NRL: variants seen among roughly 807,000 people sequenced by gnomAD.
The protein encoded by NRL is neural retina leucine zipper, also known as neural retina-specific leucine zipper protein.
Under a neutral mutation model 12.5 loss-of-function variants are expected in NRL, and 16 were observed. The ratio of observed to expected loss-of-function variants is 1.28; its 90% confidence interval spans 0.87 to 1.95. NRL has a LOEUF of 1.95. NRL is among the 30% of genes most tolerant of loss of function. The pLI is 0.00. For synonymous variants in NRL, 142 were observed against 150.9 expected (o/e 0.94, Z 0.43); for missense variants, 314 against 325.8 (o/e 0.96, Z 0.28).
chr14:24,091,372 G>A (rs2036627943), intron 1 of NRL, among the ~76,000 whole-genome samples: 2 of 152,134 alleles, frequency 1.3e-5, no homozygotes, highest in African/African-American at 4.8e-5. Flanking sequence ...GATGGTGTGT[G>A]TTTAATTTGA....
At chr14:24,111,195 G>T (rs567913575) in intron 1 of NRL, among the ~76,000 whole-genome samples, 1 of 152,250 alleles carries the variant, frequency 6.6e-6, no homozygotes, top group Non-Finnish European at 1.5e-5. Flanking sequence ...GCCCAGGCTG[G>T]CCTTGAACTC....
intron 1 of NRL, among the ~76,000 whole-genome samples, chr14:24,083,578 C>T (rs2036385086): frequency 6.6e-6 from 1 of 152,192 alleles, no homozygotes; most frequent in Non-Finnish European, 1.5e-5. Context: ...ATTGATTTTC[C>T]TTCTATTCAG....
intron 1 of NRL, among the ~76,000 whole-genome samples, chr14:24,088,840 C>G (rs868031472): frequency 7.0e-6 from 1 of 142,348 alleles, no homozygotes; most frequent in South Asian, 2.3e-4. Flanking sequence ...GAGTCTTGCT[C>G]TGTCCCCCAG....
chr14:24,081,510 C>G lies in NRL; in HGVS notation c.440G>C (p.Arg147Pro). Reference sequence around the variant, plus strand: ...GTCGCGCCCGCAGCCCCGCAGCTGCCGGTTTAGCTCCCGCACAGACATCGA... The same window carrying G: ...GTCGCGCCCGCAGCCCCGCAGCTGCGGGTTTAGCTCCCGCACAGACATCGA... ...LVSMSVRELN[R>P]QLRGCGRDEA... Residue 147 changes from arginine (R) to proline (P), a missense_variant, in exon 3 of 3, where the codon CGG becomes CCG. Transcript: ENST00000561028. This position sits in a 1 kb window ranked among gnomAD's most constrained non-coding sequence, Gnocchi z 4.4. 6.2e-7 allele frequency: 1 copy of G among 1,602,480 alleles called. No individual in the cohort carries two copies. Among genetic ancestry groups the G allele is most frequent in the Non-Finnish European group, 8.5e-7 (1 of 1,176,210 alleles).
chr14:24,099,255 G>C (rs1267221875), intron 1 of NRL: 1 of 1,581,336 alleles, frequency 6.3e-7, no homozygotes, highest in East Asian at 2.3e-5. Context: ...CTGGTGAGAA[G>C]CAGGGCAGCT....
chr14:24,094,668 T>G lies in NRL; in HGVS notation c.-27-11793A>C. 6.6e-7 allele frequency: 1 copy of G among 1,514,358 alleles called. No homozygotes were observed. The highest frequency in any genetic ancestry group is 8.8e-7 in the Non-Finnish European group (1 of 1,133,768). The allele number at this position is 1,514,358 out of a possible 1,614,324, so 93.8% of individuals were successfully genotyped here. A position where few individuals can be genotyped will look rare whatever the true frequency, so the allele number is the denominator to read the frequency against. On this transcript the variant is annotated intron_variant, in intron 1 of 2. Transcript: ENST00000561028. The surrounding 1 kb of genome is among the most constrained non-coding windows in gnomAD (Gnocchi z 4.1). ...TCCCCTTCTCTGCCTCGCTCGCCTC[T>G]GACCGCGCGATCTCTATCTGCCACT...
rs1566571081 is a variant in NRL, at chr14:24,094,745, A to T, written c.-27-11870T>A. The T allele has an allele frequency of 4.8e-6, 7 of 1,471,966 alleles. No individual in the cohort carries two copies. Among genetic ancestry groups the T allele is most frequent in the Middle Eastern group, 1.7e-4 (1 of 5,734 alleles). The allele number at this position is 1,471,966 out of a possible 1,614,324, so 91.2% of individuals were successfully genotyped here. The stretch of plus-strand genomic sequence containing the variant: ...CCTCTCTGCTGAGCCAGGTCTCCGC[A>T]TATCCTCCTTTCCTTCCCAGATACC... On this transcript the variant is annotated intron_variant, in intron 1 of 2. Transcript: ENST00000561028. The surrounding 1 kb of genome is among the most constrained non-coding windows in gnomAD (Gnocchi z 4.1).
intron 1 of NRL, chr14:24,097,132 T>A: frequency 6.2e-7 from 1 of 1,613,786 alleles, no homozygotes; most frequent in South Asian, 1.1e-5. Flanking sequence ...CCAAGTACAA[T>A]AACTGGTAAG....
chr14:24,096,341 C>T (rs918268662), intron 1 of NRL, among the ~76,000 whole-genome samples: 1 of 144,718 alleles, frequency 6.9e-6, no homozygotes, highest in Non-Finnish European at 1.5e-5. Flanking sequence ...CGGGTTCAAG[C>T]GATTCTCCTG....
chr14:24,097,137 G>A, intron 1 of NRL: 1 of 1,613,602 alleles, frequency 6.2e-7, no homozygotes, highest in Non-Finnish European at 8.5e-7. Flanking sequence ...TACAATAACT[G>A]GTAAGCCTTG....
chr14:24,082,080 C>G, intron 2 of NRL: 2 of 1,204,022 alleles, frequency 1.7e-6, no homozygotes, highest in Non-Finnish European at 2.1e-6. Flanking sequence ...CTGGGAAGCA[C>G]GAAGTCTTGA....
chr14:24,096,742 A>G, intron 1 of NRL: 1 of 706,206 alleles, frequency 1.4e-6, no homozygotes, highest in South Asian at 1.7e-5. Context: ...TCCTGAACAC[A>G]TCCCACACAC....
intron 1 of NRL, among the ~76,000 whole-genome samples, chr14:24,111,370 T>C (rs908242660): frequency 1.3e-5 from 2 of 151,976 alleles, no homozygotes; most frequent in African/African-American, 2.4e-5. Flanking sequence ...GTTTGGTTGG[T>C]TGATTGTTTT....
At chr14:24,104,791 T>G (rs1242314129) in intron 1 of NRL, among the ~76,000 whole-genome samples, 1 of 152,202 alleles carries the variant, frequency 6.6e-6, no homozygotes, top group East Asian at 1.9e-4. Flanking sequence ...GGCTTCATTG[T>G]CAGTTCTCGA....
chr14:24,103,197 T>C (rs1288402723), intron 1 of NRL: 3 of 1,614,144 alleles, frequency 1.9e-6, no homozygotes, highest in Non-Finnish European at 2.5e-6. Context: ...ACTGGCGTCA[T>C]GGGGTGTTTG....
intron 1 of NRL, chr14:24,099,477 A>G: frequency 2.3e-6 from 3 of 1,328,766 alleles, no homozygotes; most frequent in Non-Finnish European, 3.1e-6. Context: ...TCCCTATTAG[A>G]CCCTAGCTGC....
intron 1 of NRL, among the ~76,000 whole-genome samples, chr14:24,097,680 G>T (rs1286417711): frequency 6.6e-6 from 1 of 151,422 alleles, no homozygotes; most frequent in East Asian, 1.9e-4. Context: ...CTCTGCCTCC[G>T]GGGAATTGTC....
In NRL at chr14:24,109,634, C is replaced by A. The variant is rs112710774; in HGVS notation, c.-28+5088G>T. ...AATAGCATGAACCCGGGAGGCGGAGCTTGCAGTGAGCCGAGATCGGTCCAC... is the reference window on the plus strand; with the variant it reads ...AATAGCATGAACCCGGGAGGCGGAGATTGCAGTGAGCCGAGATCGGTCCAC... On this transcript the variant is annotated intron_variant, in intron 1 of 2. Coordinates refer to ENST00000561028, the MANE Select transcript of NRL (RefSeq NM_001354768.3). Among the ~76,000 whole-genome samples the A allele has an allele frequency of 1.2e-3, 179 of 150,318 alleles. 3 individuals carry two copies. The highest frequency in any genetic ancestry group is 1.7e-3 in the South Asian group (8 of 4,752).
chr14:24,099,481 T>C, intron 1 of NRL: 2 of 1,367,126 alleles, frequency 1.5e-6, no homozygotes, highest in African/African-American at 2.9e-5. Context: ...TATTAGACCC[T>C]AGCTGCCCTT....
Sources: allele counts gnomAD v4.1 joint callset (sites outside exome capture counted in the v4.1 genomes callset), GRCh38; gene constraint gnomAD v4.1.1; non-coding constraint Gnocchi (gnomAD v3.1); transcripts MANE v1.5; gene names NCBI Gene and HGNC (gene_info 2026-07-23, HGNC 2026-07-21).